HDAC9: variants seen among roughly 807,000 people sequenced by gnomAD.
The protein encoded by HDAC9 is MEF-2 interacting transcription repressor (MITR) protein.
In HDAC9, 41 loss-of-function variants were observed where a neutral mutation model predicts 139.4. That is an observed-to-expected ratio of 0.29 (90% CI 0.23 to 0.38). The LOEUF is 0.38. Among genes scored for constraint, HDAC9 ranks in the 10% least tolerant of loss-of-function variants. The pLI is 1.00. For missense variants in HDAC9, 1,147 were observed against 1,297.0 expected (o/e 0.88, Z 1.78); for synonymous variants, 517 against 476.2 (o/e 1.09, Z -1.12).
At chr7:18,451,189 C>T (rs1263802841) in intron 1 of HDAC9, among the ~76,000 whole-genome samples, 1 of 152,040 alleles carries the variant, frequency 6.6e-6, no homozygotes, top group Non-Finnish European at 1.5e-5. Flanking sequence ...TGTGACGGCA[C>T]AGAGAAAGCA....
chr7:18,740,306 C>T (rs577820497), intron 13 of HDAC9, among the ~76,000 whole-genome samples: 1 of 152,156 alleles, frequency 6.6e-6, no homozygotes, highest in Non-Finnish European at 1.5e-5. Flanking sequence ...TTGAGATGAA[C>T]CAGGTACCTC....
intron 6 of HDAC9, among the ~76,000 whole-genome samples, chr7:18,600,274 C>A (rs1291858366): frequency 6.6e-6 from 1 of 151,950 alleles, no homozygotes; most frequent in Non-Finnish European, 1.5e-5. Context: ...GTATCATTGT[C>A]TTTCACAGAA....
chr7:18,501,000 T>G (rs1431397401), intron 2 of HDAC9, among the ~76,000 whole-genome samples: 1 of 151,936 alleles, frequency 6.6e-6, no homozygotes, highest in Non-Finnish European at 1.5e-5. Flanking sequence ...TAAAAATCTT[T>G]ACACATAAAG....
chr7:18,773,732 C>A (rs766210949), intron 16 of HDAC9, among the ~76,000 whole-genome samples: 1 of 140,792 alleles, frequency 7.1e-6, no homozygotes, highest in Non-Finnish European at 1.5e-5. Flanking sequence ...AAAAATAATT[C>A]TTGTAGCAGC....
intron 22 of HDAC9, among the ~76,000 whole-genome samples, chr7:18,887,876 C>T (rs540602853): frequency 2.6e-5 from 4 of 152,110 alleles, no homozygotes; most frequent in East Asian, 1.9e-4. Context: ...TCCCATGCAA[C>T]GCCAAGATTT....
chr7:18,824,806 G>T (rs1456367481), intron 17 of HDAC9, among the ~76,000 whole-genome samples: 3 of 152,218 alleles, frequency 2.0e-5, no homozygotes, highest in Admixed American at 2.0e-4. Context: ...TATCCACTGT[G>T]TGGATGTAAG....
chr7:18,119,529 C>G (rs1784230036), intron 1 of HDAC9, among the ~76,000 whole-genome samples: 1 of 152,188 alleles, frequency 6.6e-6, no homozygotes, highest in Admixed American at 6.5e-5. Flanking sequence ...CTCTAGAGAA[C>G]TGTCGGTCTT....
chr7:18,294,780 G>A (rs1307952405), intron 1 of HDAC9, among the ~76,000 whole-genome samples: 3 of 152,130 alleles, frequency 2.0e-5, no homozygotes, highest in Non-Finnish European at 4.4e-5. Context: ...AGCAAGAGTA[G>A]ACACATGGAA....
chr7:18,585,536 C>G lies in HDAC9; in HGVS notation c.264+14C>G, dbSNP rs774468276. On this transcript the variant is annotated intron_variant, in intron 3 of 25. Transcript: ENST00000686413. ...GAGCATATCAAGGTAGCAAATGCTTCTTTGTCTGTGACCTTACTCAGGAGT... is the reference window on the plus strand; with the variant it reads ...GAGCATATCAAGGTAGCAAATGCTTGTTTGTCTGTGACCTTACTCAGGAGT... 6.2e-7 allele frequency: 1 copy of G among 1,612,028 alleles called. No individual in the cohort carries two copies. The highest frequency in any genetic ancestry group is 1.7e-4 in the Middle Eastern group (1 of 6,046).
chr7:18,344,601 C>A (rs1418445660), intron 1 of HDAC9, among the ~76,000 whole-genome samples: 4 of 151,758 alleles, frequency 2.6e-5, no homozygotes, highest in Admixed American at 1.3e-4. Context: ...TCTTTGCATC[C>A]CAAATTACCA....
At chr7:18,228,050 G>C (rs1194588247) in intron 2 of HDAC9, among the ~76,000 whole-genome samples, 2 of 152,104 alleles carry the variant, frequency 1.3e-5, no homozygotes, top group Non-Finnish European at 2.9e-5. Context: ...TGCTGGAAAT[G>C]GCATCATGTG....
intron 16 of HDAC9, among the ~76,000 whole-genome samples, chr7:18,770,613 G>A (rs1585007334): frequency 6.6e-6 from 1 of 152,108 alleles, no homozygotes; most frequent in Non-Finnish European, 1.5e-5. Flanking sequence ...AGCTTCAAAC[G>A]CTTCTGCGGC....
intron 1 of HDAC9, among the ~76,000 whole-genome samples, chr7:18,474,172 G>T (rs1794937383): frequency 1.3e-5 from 2 of 152,186 alleles, no homozygotes; most frequent in South Asian, 4.1e-4. Flanking sequence ...TTTTATGGAA[G>T]CTAAATTAAA....
At chr7:18,291,494 C>A (rs1179111468) in intron 1 of HDAC9, among the ~76,000 whole-genome samples, 3 of 152,036 alleles carry the variant, frequency 2.0e-5, no homozygotes, top group African/African-American at 7.2e-5. Context: ...CAGAAAATTG[C>A]TGGGAACATA....
chr7:18,288,751 TG>T (rs1441212181), upstream of HDAC9, among the ~76,000 whole-genome samples: 1 of 152,094 alleles, frequency 6.6e-6, no homozygotes, highest in Non-Finnish European at 1.5e-5. Flanking sequence ...GAATATACAT[TG>T]GTCCTAAAGA....
At chr7:18,308,595 A>G (rs759658692) in intron 1 of HDAC9, among the ~76,000 whole-genome samples, 11 of 152,188 alleles carry the variant, frequency 7.2e-5, no homozygotes, top group Non-Finnish European at 1.5e-4. Context: ...GGAGAAAAAT[A>G]TATTAGGTGT....
intron 12 of HDAC9, among the ~76,000 whole-genome samples, chr7:18,695,046 T>G (rs1782941639): frequency 6.6e-6 from 1 of 152,154 alleles, no homozygotes; most frequent in African/African-American, 2.4e-5. Flanking sequence ...CTGCATGGAA[T>G]TAGTAAGGAC....
At chr7:18,551,687 A>G (rs908279653) in intron 2 of HDAC9, among the ~76,000 whole-genome samples, 3 of 152,210 alleles carry the variant, frequency 2.0e-5, no homozygotes, top group Admixed American at 2.0e-4. Flanking sequence ...ACTGGAAAAC[A>G]GGATCATTTT....
rs75570863 is a variant in HDAC9 at position 18,831,547 on chromosome 7, A to C, written c.2466+1999A>C. Among the ~76,000 whole-genome samples, 5 of 152,228 alleles carry C rather than the reference A, an allele frequency of 3.3e-5. No homozygotes were observed. The East Asian group carries it at 9.7e-4, about 29-fold the overall frequency. Reference sequence around the variant, plus strand: ...TAGTAGACGAGAAGTTTTTGTTTCAAATTATCTAAATATATGGAGTTCTGT... The same window carrying C: ...TAGTAGACGAGAAGTTTTTGTTTCACATTATCTAAATATATGGAGTTCTGT... On this transcript the variant is annotated intron_variant, in intron 19 of 25. Transcript: ENST00000686413.
Sources: allele counts gnomAD v4.1 joint callset (sites outside exome capture counted in the v4.1 genomes callset), GRCh38; gene constraint gnomAD v4.1.1; transcripts MANE v1.5; gene names NCBI Gene and HGNC (gene_info 2026-07-23, HGNC 2026-07-21).